Variants in SUMF1 observed in about 807,000 individuals in gnomAD.
The protein encoded by SUMF1 is sulfatase modifying factor 1, also known as formylglycine-generating enzyme.
Under a neutral mutation model 47.6 loss-of-function variants are expected in SUMF1, and 48 were observed. That is an observed-to-expected ratio of 1.01 (90% CI 0.80 to 1.28). The LOEUF (loss-of-function observed/expected upper bound fraction) is 1.28, where lower values mean the gene tolerates loss of function less well. SUMF1 is among the 50% of genes most tolerant of loss of function. SUMF1 has a pLI of 0.00. For synonymous variants in SUMF1, 230 were observed against 192.1 expected (o/e 1.20, Z -1.63); for missense variants, 571 against 485.4 (o/e 1.18, Z -1.66).
chr3:4,229,306 A>G (rs770122844), intron 8 of SUMF1: 3 of 407,478 alleles, frequency 7.4e-6, no homozygotes, highest in South Asian at 5.3e-5. Flanking sequence ...TGTATGTTCC[A>G]TTCCTGTGAA....
At chr3:4,258,068 G>T (rs1432831572) in intron 8 of SUMF1, among the ~76,000 whole-genome samples, 2 of 151,228 alleles carry the variant, frequency 1.3e-5, no homozygotes, top group Non-Finnish European at 3.0e-5. Context: ...TATGCAGAAA[G>T]CTGAAACTGG....
chr3:4,177,073 C>G (rs577009197), intron 8 of SUMF1, among the ~76,000 whole-genome samples: 146 of 152,238 alleles, frequency 9.6e-4, no homozygotes, highest in Non-Finnish European at 1.1e-3. Context: ...GACTCAGACT[C>G]CCACACAATA....
chr3:4,348,815 C>A (rs1018573227), intron 8 of SUMF1, among the ~76,000 whole-genome samples: 1 of 152,134 alleles, frequency 6.6e-6, no homozygotes, highest in South Asian at 2.1e-4. Context: ...GCAGAGGTTG[C>A]GGTGAGCCAA....
chr3:4,036,985 G>A (rs1312720894), intron 9 of SUMF1, among the ~76,000 whole-genome samples: 1 of 151,840 alleles, frequency 6.6e-6, no homozygotes, highest in African/African-American at 2.4e-5. Flanking sequence ...AGATGACCAG[G>A]TTCCAAGATA....
At chr3:4,387,420 T>G (rs1400451468) in intron 7 of SUMF1, among the ~76,000 whole-genome samples, 1 of 152,042 alleles carries the variant, frequency 6.6e-6, no homozygotes, top group Non-Finnish European at 1.5e-5. Flanking sequence ...CCTTTTGATG[T>G]CTACAGAGTT....
At chr3:4,363,373 T>C (rs1303867845) in intron 8 of SUMF1, among the ~76,000 whole-genome samples, 1 of 152,074 alleles carries the variant, frequency 6.6e-6, no homozygotes, top group Admixed American at 6.5e-5. Context: ...TGCTCTTCCA[T>C]TTCTTTGTAT....
At chr3:4,365,831 G>C (rs1183929914) in intron 8 of SUMF1, among the ~76,000 whole-genome samples, 1 of 151,808 alleles carries the variant, frequency 6.6e-6, no homozygotes, top group African/African-American at 2.4e-5. Flanking sequence ...TTACAATTTG[G>C]CATGATTTTG....
intron 8 of SUMF1, among the ~76,000 whole-genome samples, chr3:4,151,913 A>G (rs1694345987): frequency 6.6e-6 from 1 of 151,462 alleles, no homozygotes. Context: ...AGCCATTTCT[A>G]TCATCTCAAA....
At chr3:4,425,221 C>G (rs991450577) in intron 3 of SUMF1, among the ~76,000 whole-genome samples, 1 of 152,188 alleles carries the variant, frequency 6.6e-6, no homozygotes, top group South Asian at 2.1e-4. Context: ...TCACCTTTTA[C>G]AAGCTACAAG....
At chr3:4,264,223 C>T (rs764702068) in intron 8 of SUMF1, among the ~76,000 whole-genome samples, 3 of 152,232 alleles carry the variant, frequency 2.0e-5, no homozygotes, top group East Asian at 1.9e-4. Context: ...AACCCAGTTA[C>T]GCTGAGTCAG....
intron 8 of SUMF1, among the ~76,000 whole-genome samples, chr3:4,099,606 G>A (rs1311843769): frequency 6.6e-6 from 1 of 152,062 alleles, no homozygotes; most frequent in Non-Finnish European, 1.5e-5. Flanking sequence ...AGAAGTCCTA[G>A]CCAGAGTGAT....
chr3:4,135,109 C>G (rs947430033), intron 8 of SUMF1, among the ~76,000 whole-genome samples: 1 of 152,106 alleles, frequency 6.6e-6, no homozygotes, highest in East Asian at 1.9e-4. Flanking sequence ...GGAATCCTCC[C>G]TAACTCATTT....
intron 8 of SUMF1, among the ~76,000 whole-genome samples, chr3:4,149,996 T>C (rs931405679): frequency 2.1e-4 from 32 of 152,146 alleles, no homozygotes; most frequent in African/African-American, 7.0e-4. Context: ...TTTACTGATT[T>C]ATAGGTTTAA....
chr3:4,462,496 G>C (rs1278006182), intron 1 of SUMF1, among the ~76,000 whole-genome samples: 1 of 152,158 alleles, frequency 6.6e-6, no homozygotes, highest in Non-Finnish European at 1.5e-5. Flanking sequence ...AACTAGGGGA[G>C]CTATAAATGT....
At chr3:4,046,326 C>T (rs933341530) in intron 9 of SUMF1, among the ~76,000 whole-genome samples, 5 of 152,082 alleles carry the variant, frequency 3.3e-5, no homozygotes, top group African/African-American at 1.2e-4. Context: ...GAGATGATCA[C>T]CAAACTTTTC....
At chr3:4,250,183 G>A (rs149809421) in intron 8 of SUMF1, among the ~76,000 whole-genome samples, 1 of 151,402 alleles carries the variant, frequency 6.6e-6, no homozygotes, top group Non-Finnish European at 1.5e-5. Flanking sequence ...AAACGGAGGG[G>A]GAAGGGGGAG....
At chr3:4,438,846 A>T (rs1314246531) in intron 3 of SUMF1, among the ~76,000 whole-genome samples, 1 of 152,156 alleles carries the variant, frequency 6.6e-6, no homozygotes, top group African/African-American at 2.4e-5. Flanking sequence ...AATTAATATA[A>T]AAAATTATTT....
intron 9 of SUMF1, among the ~76,000 whole-genome samples, chr3:4,060,337 G>A (rs1399485008): frequency 6.6e-6 from 1 of 152,142 alleles, no homozygotes; most frequent in Non-Finnish European, 1.5e-5. Context: ...TGCTGAACTA[G>A]GATTCCTGGT....
At chr3:4,159,391 T>C (rs1236411322) in intron 8 of SUMF1, among the ~76,000 whole-genome samples, 3 of 149,848 alleles carry the variant, frequency 2.0e-5, no homozygotes, top group Non-Finnish European at 4.4e-5. Context: ...TTAACACTGA[T>C]TGCATAAACA....
Sources: allele counts gnomAD v4.1 joint callset (sites outside exome capture counted in the v4.1 genomes callset), GRCh38; gene constraint gnomAD v4.1.1; transcripts MANE v1.5; gene names NCBI Gene and HGNC (gene_info 2026-07-23, HGNC 2026-07-21).